The following MCF2L2 variants were observed in gnomAD, a reference collection of about 807,000 sequenced individuals.
MCF2L2 encodes the protein MCF.2 cell line derived transforming sequence-like 2, also known as probable guanine nucleotide exchange factor MCF2L2.
In MCF2L2, 102 loss-of-function variants were observed where a neutral mutation model predicts 150.2. The observed-to-expected ratio is 0.68, with a 90% CI of 0.58 to 0.80. MCF2L2 has a LOEUF of 0.80. MCF2L2 is among the 30% of genes least tolerant of loss of function. The pLI, the probability that MCF2L2 is intolerant of heterozygous loss-of-function variation, is 0.00. For missense variants in MCF2L2, 1,256 were observed against 1,372.8 expected, an observed-to-expected ratio of 0.91 and a Z score of 1.34; for synonymous variants, 465 against 491.3, an observed-to-expected ratio of 0.95 and a Z score of 0.71.
At chr3:183,370,222 G>C (rs1291781577) in intron 3 of MCF2L2, among the ~76,000 whole-genome samples, 1 of 152,224 alleles carries the variant, frequency 6.6e-6, no homozygotes, top group African/African-American at 2.4e-5. Context: ...TCCTGTGATG[G>C]ATCCCCACCC....
At chr3:183,378,442 A>C (rs1713320635) in intron 3 of MCF2L2, 1 of 152,222 alleles carries the variant, frequency 6.6e-6, no homozygotes, top group Non-Finnish European at 1.5e-5. Context: ...TACCGATTTA[A>C]GCGGCATAAA....
chr3:183,314,501 T>C (rs1246072108), intron 7 of MCF2L2, among the ~76,000 whole-genome samples: 1 of 152,130 alleles, frequency 6.6e-6, no homozygotes, highest in Admixed American at 6.6e-5. Context: ...TCCAACTCAA[T>C]GGCTCTCCTA....
chr3:183,320,043 C>T (rs183187260), intron 6 of MCF2L2, among the ~76,000 whole-genome samples: 183 of 151,490 alleles, frequency 1.2e-3, no homozygotes, highest in Non-Finnish European at 1.8e-3. Flanking sequence ...AATAGAATGC[C>T]GTTTCATTTA....
intron 15 of MCF2L2, chr3:183,272,195 AGAGT>A (rs1217683814): frequency 1.6e-5 from 16 of 999,908 alleles, no homozygotes; most frequent in Non-Finnish European, 1.2e-5. Flanking sequence ...GAGATCTAAT[AGAGT>A]AAGTTACATT....
At chr3:183,336,776 C>T (rs897228772) in intron 5 of MCF2L2, among the ~76,000 whole-genome samples, 15 of 151,798 alleles carry the variant, frequency 9.9e-5, no homozygotes, top group African/African-American at 1.9e-4. Context: ...ATTGCTTGAA[C>T]CTGTGTGGGG....
chr3:183,196,266 C>A (rs975296062), intron 25 of MCF2L2, among the ~76,000 whole-genome samples: 1 of 152,152 alleles, frequency 6.6e-6, no homozygotes, highest in Non-Finnish European at 1.5e-5. Flanking sequence ...CCCTCATTGG[C>A]TCCCAGTGTC....
chr3:183,311,336 A>G (rs41443047), intron 8 of MCF2L2, among the ~76,000 whole-genome samples: 8,940 of 152,212 alleles, frequency 0.059, 578 homozygotes, highest in African/African-American at 0.15. Context: ...GACTACACGA[A>G]TATAAAGCAC....
At chr3:183,252,257 C>T (rs1248016421) in intron 15 of MCF2L2, among the ~76,000 whole-genome samples, 3 of 151,976 alleles carry the variant, frequency 2.0e-5, no homozygotes, top group Non-Finnish European at 4.4e-5. Flanking sequence ...GAAGGTATGT[C>T]ATTAGTGCTG....
At chr3:183,228,620 AAG>A (rs1723436596) in intron 17 of MCF2L2, among the ~76,000 whole-genome samples, 1 of 152,202 alleles carries the variant, frequency 6.6e-6, no homozygotes, top group African/African-American at 2.4e-5. Context: ...AAAAATAAGA[AAG>A]AGAATGAGAA....
intron 11 of MCF2L2, 133 bp downstream of exon 11, chr3:183,299,872 G>T: frequency 1.0e-6 from 1 of 962,204 alleles, no homozygotes; most frequent in Non-Finnish European, 1.5e-6. Flanking sequence ...AGTTTTTAAT[G>T]CCTCTCGAAC....
chr3:183,422,635 T>C (rs1204824645), intron 1 of MCF2L2, among the ~76,000 whole-genome samples: 1 of 152,144 alleles, frequency 6.6e-6, no homozygotes, highest in Non-Finnish European at 1.5e-5. Context: ...CACCTGCCCC[T>C]CCTGGCAAGG....
At chr3:183,214,102 T>G (rs1474547750) in intron 22 of MCF2L2, among the ~76,000 whole-genome samples, 2 of 152,202 alleles carry the variant, frequency 1.3e-5, no homozygotes, top group Non-Finnish European at 2.9e-5. Context: ...CACAGCCTCC[T>G]CCTCCTATGT....
At chr3:183,342,364 G>A (rs1400962545) in intron 3 of MCF2L2, among the ~76,000 whole-genome samples, 1 of 152,158 alleles carries the variant, frequency 6.6e-6, no homozygotes, top group Non-Finnish European at 1.5e-5. Context: ...ACACACAGAG[G>A]AGTTCACCTA....
In MCF2L2 at chr3:183,227,236, A is replaced by G. The variant is rs894940679; in HGVS notation, c.2115+1061T>C. 2.0e-5 allele frequency: 3 copies of G among 152,240 alleles called. No homozygotes were observed. Among genetic ancestry groups the G allele is most frequent in the African/African-American group, 7.2e-5 (3 of 41,450 alleles). 9.4% of individuals were successfully genotyped at this position (152,240 alleles called of 1,614,324 possible). ...TCATCTCCATGGTCGTGTCCTAGAA[A>G]GTACCTGGTGGGGATTGATGTTGGG... On this transcript the variant is annotated intron_variant, in intron 18 of 29. Coordinates refer to ENST00000328913, the MANE Select transcript of MCF2L2 (RefSeq NM_015078.4). The surrounding 1 kb of genome is among the most constrained non-coding windows in gnomAD (Gnocchi z 4.0).
In MCF2L2 at chr3:183,179,535, G is replaced by T. The variant is rs201654449; in HGVS notation, c.3222-32C>A. On this transcript the variant is annotated intron_variant, in intron 29 of 29. Transcript: ENST00000328913. The surrounding 1 kb of genome is among the most constrained non-coding windows in gnomAD (Gnocchi z 4.2). ...TTCCGAGAAGAAAGTCAGAGACGCC[G>T]TGGCCCAAAGAGGCGCTTAGTCTTT... 11 of 1,611,688 alleles carry T rather than the reference G, an allele frequency of 6.8e-6. No individual in the cohort carries two copies. The African/African-American group carries it at 1.5e-4, about 22-fold the overall frequency.
intron 15 of MCF2L2, among the ~76,000 whole-genome samples, chr3:183,261,047 TA>T (rs1251389218): frequency 6.6e-6 from 1 of 152,250 alleles, no homozygotes; most frequent in African/African-American, 2.4e-5. Flanking sequence ...GTTGCAAAGA[TA>T]TCTAATGTTT....
intron 3 of MCF2L2, among the ~76,000 whole-genome samples, chr3:183,362,987 G>A (rs1027421738): frequency 1.3e-5 from 2 of 151,924 alleles, no homozygotes; most frequent in Non-Finnish European, 2.9e-5. Context: ...ATGGGCAAAA[G>A]ACCTAAACAG....
rs1443237963 is a variant in MCF2L2 at position 183,305,985 on chromosome 3, A to G, written c.1113+3731T>C. On this transcript the variant is annotated intron_variant, in intron 10 of 29. Transcript: ENST00000328913. This position sits in a 1 kb window ranked among gnomAD's most constrained non-coding sequence, Gnocchi z 4.1. ...ACCAACCATATTGCAAGCTGACCAC[A>G]TGAAGTCCCTACCACACATCTAACT... Among the ~76,000 whole-genome samples the G allele has an allele frequency of 6.6e-6, 1 of 152,242 alleles. No homozygotes were observed.
intron 1 of MCF2L2, among the ~76,000 whole-genome samples, chr3:183,397,757 A>G (rs994850056): frequency 3.3e-5 from 5 of 152,226 alleles, no homozygotes; most frequent in African/African-American, 1.2e-4. Context: ...GCAGCATTTT[A>G]GCCAAGAAAT....
Sources: allele counts gnomAD v4.1 joint callset (sites outside exome capture counted in the v4.1 genomes callset), GRCh38; gene constraint gnomAD v4.1.1; non-coding constraint Gnocchi (gnomAD v3.1); transcripts MANE v1.5; gene names NCBI Gene and HGNC (gene_info 2026-07-23, HGNC 2026-07-21).